NFIL3: variants seen among roughly 807,000 people sequenced by gnomAD.
The protein encoded by NFIL3 is nuclear factor, interleukin 3 regulated, also known as nuclear factor interleukin-3-regulated protein.
Under a neutral mutation model 10.0 loss-of-function variants are expected in NFIL3, and 5 were observed. That is an observed-to-expected ratio of 0.50 (90% CI 0.26 to 1.06). The LOEUF is 1.06. Ranked by LOEUF, NFIL3 falls within the 50% of genes least tolerant of loss-of-function variation. The pLI is 0.13. For synonymous variants in NFIL3, 202 were observed against 206.5 expected (o/e 0.98, Z 0.19); for missense variants, 436 against 547.6 (o/e 0.80, Z 2.03).
At chr9:91,458,653 T>G in the NFIL3 span, among the ~76,000 whole-genome samples, 1 of 152,204 alleles carries the variant, frequency 6.6e-6, no homozygotes, top group Non-Finnish European at 1.5e-5. Context: ...TTAAAAATTC[T>G]TATATATTTA....
In NFIL3 at chr9:91,409,803, G is replaced by T; in HGVS notation, c.932C>A (p.Thr311Asn). The T allele has an allele frequency of 6.2e-7, 1 of 1,614,202 alleles. No individual in the cohort carries two copies. Among genetic ancestry groups the T allele is most frequent in the Non-Finnish European group, 8.5e-7 (1 of 1,180,042 alleles). The part of the protein sequence containing the change: ...SPVELKHVHA[T>N]VVKVPEVNSS... ...ATTCACTTCTGGAACTTTAACCACA[G>T]TTGCATGCACATGCTTGAGTTCAAC... The change falls in exon 2 of 2, where the codon ACT becomes AAT. Residue 311 changes from threonine to asparagine, a missense_variant. By Grantham distance (65) the Thr-to-Asn change is moderately conservative (BLOSUM62 0). Transcript: ENST00000297689.
intron 1 of NFIL3, among the ~76,000 whole-genome samples, chr9:91,413,206 T>A (rs765111762): frequency 6.6e-6 from 1 of 152,112 alleles, no homozygotes; most frequent in Non-Finnish European, 1.5e-5. Flanking sequence ...TCAGCAGTGA[T>A]GTTGCAGAGA....
chr9:91,443,581 C>T, the NFIL3 span, among the ~76,000 whole-genome samples: 2 of 152,254 alleles, frequency 1.3e-5, no homozygotes, highest in African/African-American at 2.4e-5. Flanking sequence ...AGCACATGCA[C>T]ACCTGAACAG....
intron 1 of NFIL3, among the ~76,000 whole-genome samples, chr9:91,420,407 T>C (rs1442967893): frequency 6.7e-6 from 1 of 150,162 alleles, no homozygotes; most frequent in Non-Finnish European, 1.5e-5. Flanking sequence ...TGGTTCCTGA[T>C]CAATAACACA....
chr9:91,453,347 C>G, the NFIL3 span, among the ~76,000 whole-genome samples: 9 of 152,058 alleles, frequency 5.9e-5, 1 homozygote, highest in African/African-American at 2.2e-4. Flanking sequence ...GTTTAGGACT[C>G]CAACATAGAA....
At chr9:91,469,079 G>T in the NFIL3 span, among the ~76,000 whole-genome samples, 3 of 152,192 alleles carry the variant, frequency 2.0e-5, no homozygotes, top group African/African-American at 7.2e-5. Flanking sequence ...GAAAGTCATT[G>T]GTAGCTTGAT....
At chr9:91,472,993 A>G in the NFIL3 span, among the ~76,000 whole-genome samples, 1 of 152,170 alleles carries the variant, frequency 6.6e-6, no homozygotes, top group South Asian at 2.1e-4. Flanking sequence ...AGTTCGCTGG[A>G]GGTCCACTCC....
chr9:91,465,267 C>G, the NFIL3 span, among the ~76,000 whole-genome samples: 1 of 152,064 alleles, frequency 6.6e-6, no homozygotes, highest in South Asian at 2.1e-4. Flanking sequence ...CTTGGAGATT[C>G]AGTTCTGTTT....
At chr9:91,415,855 G>A (rs1229627003) in intron 1 of NFIL3, among the ~76,000 whole-genome samples, 3 of 152,028 alleles carry the variant, frequency 2.0e-5, no homozygotes, top group Admixed American at 6.5e-5. Context: ...TTGAACTCCC[G>A]ATCTCAGGTG....
chr9:91,456,342 C>A, the NFIL3 span, among the ~76,000 whole-genome samples: 4 of 152,114 alleles, frequency 2.6e-5, no homozygotes, highest in Admixed American at 1.3e-4. Flanking sequence ...TTTTCTATTC[C>A]TATCAGAAGA....
the NFIL3 span, among the ~76,000 whole-genome samples, chr9:91,440,932 A>G: frequency 6.6e-6 from 1 of 152,106 alleles, no homozygotes; most frequent in Non-Finnish European, 1.5e-5. Flanking sequence ...CATACAGTGT[A>G]TCCTGGAGAA....
the NFIL3 span, among the ~76,000 whole-genome samples, chr9:91,440,083 G>A: frequency 9.8e-4 from 150 of 152,286 alleles, no homozygotes; most frequent in African/African-American, 3.5e-3. Context: ...AGTTTAGGAA[G>A]TATTGGTATT....
At chr9:91,481,646 G>A in the NFIL3 span, among the ~76,000 whole-genome samples, 53,662 of 151,462 alleles carry the variant, frequency 0.35, 12,274 homozygotes, top group African/African-American at 0.65. Context: ...TTGATTTTGC[G>A]GTTAACGTTT....
chr9:91,441,667 T>C, the NFIL3 span, among the ~76,000 whole-genome samples: 2 of 148,662 alleles, frequency 1.3e-5, no homozygotes, highest in East Asian at 2.2e-4. Flanking sequence ...ATACCAGTTA[T>C]AGGTTTTGGC....
chr9:91,435,517 T>C, the NFIL3 span, among the ~76,000 whole-genome samples: 1 of 152,214 alleles, frequency 6.6e-6, no homozygotes, highest in African/African-American at 2.4e-5. Context: ...CATTTCATCA[T>C]GGTCCTCATG....
Position 91,410,080 on chromosome 9 carries a change from T to C in NFIL3, c.655A>G (p.Lys219Glu). 1 of 1,613,662 alleles carries C rather than the reference T, an allele frequency of 6.2e-7. No individual in the cohort carries two copies. The highest frequency in any genetic ancestry group is 1.1e-5 in the South Asian group (1 of 91,068). Residue 219 changes from lysine to glutamate, a missense_variant, in exon 2 of 2, where the codon AAG (lysine) becomes GAG (glutamate). Transcript: ENST00000297689. The surrounding 1 kb of genome is among the most constrained non-coding windows in gnomAD (Gnocchi z 5.7). ...RSPENKFQIIKQEPMELESYT... is the reference protein window; with the variant it reads ...RSPENKFQIIEQEPMELESYT... ...CTCTCTAATTCCATCGGCTCTTGCT[T>C]GATAATCTGGAACTTGTTTTCAGGA...
At chr9:91,471,741 T>A in the NFIL3 span, among the ~76,000 whole-genome samples, 1 of 152,184 alleles carries the variant, frequency 6.6e-6, no homozygotes, top group African/African-American at 2.4e-5. Context: ...TTTGATCCTG[T>A]CATTACAATG....
chr9:91,434,094 C>T, the NFIL3 span, among the ~76,000 whole-genome samples: 73 of 152,222 alleles, frequency 4.8e-4, no homozygotes, highest in Non-Finnish European at 9.0e-4. Context: ...AATCAAAATT[C>T]TAATGGATAT....
At chr9:91,438,003 T>C in the NFIL3 span, among the ~76,000 whole-genome samples, 1 of 152,216 alleles carries the variant, frequency 6.6e-6, no homozygotes, top group East Asian at 1.9e-4. Flanking sequence ...ATGGTGACTT[T>C]ATTTCCTTTG....
Sources: gnomAD v4.1 joint callset for allele counts (sites outside exome capture counted in the v4.1 genomes callset) on GRCh38, gnomAD v4.1.1 for gene constraint, Gnocchi (gnomAD v3.1) non-coding constraint, MANE v1.5 for transcripts, NCBI Gene and HGNC (gene_info 2026-07-23, HGNC 2026-07-21) for gene names.